The following GGT7 variants were observed in gnomAD, a reference collection of about 807,000 sequenced individuals.
GGT7 encodes the protein glutathione hydrolase 7.
In GGT7, 30 loss-of-function variants were observed where a neutral mutation model predicts 69.2. The ratio of observed to expected loss-of-function variants is 0.43; its 90% CI spans 0.32 to 0.59. The LOEUF is 0.59. GGT7 is among the 20% of genes least tolerant of loss of function. GGT7 has a pLI of 0.05. For synonymous variants in GGT7, 388 were observed against 391.8 expected (o/e 0.99, Z 0.12); for missense variants, 733 against 901.1 (o/e 0.81, Z 2.39).
chr20:34,863,046 A>T lies in GGT7; in HGVS notation c.406-81T>A. ...GCACCTCCACTAGCCCTAGAACTCT[A>T]CGCGGCATGAAGGTCGAAGCCCTGC... is the stretch of plus-strand genomic sequence containing the variant. On this transcript the variant is annotated intron_variant, in intron 2 of 14. Coordinates refer to ENST00000336431, the MANE Select transcript of GGT7 (RefSeq NM_178026.3). This position sits in a 1 kb window ranked among gnomAD's most constrained non-coding sequence, Gnocchi z 4.4. 7.2e-7 allele frequency: 1 copy of T among 1,387,916 alleles called. No individual in the cohort carries two copies. The highest frequency in any genetic ancestry group is 9.9e-7 in the Non-Finnish European group (1 of 1,012,274). 86.0% of individuals were successfully genotyped at this position (1,387,916 alleles called of 1,614,324 possible).
chr20:34,863,981 A>G lies in GGT7; in HGVS notation c.170-433T>C, dbSNP rs749707296. On this transcript the variant is annotated intron_variant, in intron 1 of 14. Coordinates refer to ENST00000336431, the MANE Select transcript of GGT7 (RefSeq NM_178026.3). The surrounding 1 kb of genome is among the most constrained non-coding windows in gnomAD (Gnocchi z 4.4). ...GCCTTCCAACCTCACTTCAGTTATC[A>G]GCTCACTCATTCCTTAAATATGGAG... Among the ~76,000 whole-genome samples, 1 of 152,200 alleles carries G rather than the reference A, an allele frequency of 6.6e-6. No individual in the cohort carries two copies. Among genetic ancestry groups the G allele is most frequent in the Non-Finnish European group, 1.5e-5 (1 of 68,036 alleles).
intron 1 of GGT7, among the ~76,000 whole-genome samples, chr20:34,867,590 C>A (rs1325768725): frequency 6.6e-6 from 1 of 152,096 alleles, no homozygotes; most frequent in Non-Finnish European, 1.5e-5. Context: ...GTGGTGTGCA[C>A]CTGTTGTCCC....
intron 1 of GGT7, among the ~76,000 whole-genome samples, chr20:34,871,556 C>T (rs762348127): frequency 1.7e-4 from 26 of 152,244 alleles, no homozygotes; most frequent in Non-Finnish European, 3.1e-4. Flanking sequence ...CCACCCCATA[C>T]AGAGTGCAGT....
chr20:34,858,626 T>A (rs1050372881), intron 7 of GGT7, among the ~76,000 whole-genome samples: 1 of 152,228 alleles, frequency 6.6e-6, no homozygotes, highest in African/African-American at 2.4e-5. Flanking sequence ...TTCTCACATC[T>A]GTTACTGCCT....
At chr20:34,854,172 G>C (rs954867353) in intron 10 of GGT7, among the ~76,000 whole-genome samples, 2 of 152,178 alleles carry the variant, frequency 1.3e-5, no homozygotes, top group African/African-American at 4.8e-5. Flanking sequence ...CTTGACCTCA[G>C]GTGATCCACC....
At chr20:34,860,744 T>C (rs2079581235) in intron 4 of GGT7, among the ~76,000 whole-genome samples, 1 of 150,644 alleles carries the variant, frequency 6.6e-6, no homozygotes, top group South Asian at 2.2e-4. Flanking sequence ...AAGCGATCCT[T>C]GGTGCATGCT....
chr20:34,849,834 G>T (rs1723629166), intron 14 of GGT7, 127 bp downstream of exon 14: 1 of 588,460 alleles, frequency 1.7e-6, no homozygotes, highest in Non-Finnish European at 3.0e-6. Context: ...TGCTCCAATA[G>T]AAATTTGCCA....
chr20:34,861,531 G>A lies in GGT7; in HGVS notation c.589C>T (p.Arg197Ter), dbSNP rs2079596412. 3 of 1,523,876 alleles carry A rather than the reference G, an allele frequency of 2.0e-6. No individual in the cohort carries two copies. The highest frequency in any genetic ancestry group is 2.7e-6 in the Non-Finnish European group (3 of 1,123,238). 94.4% of individuals were successfully genotyped at this position (1,523,876 alleles called of 1,614,324 possible). A position where few individuals can be genotyped will look rare whatever the true frequency, so the allele number is the denominator to read the frequency against. The change falls in exon 4 of 15, where the codon CGA becomes TGA. Residue 197 changes from arginine (R) to a stop codon, truncating the protein, a stop_gained. Transcript: ENST00000336431. LOFTEE classifies it high-confidence loss of function. The part of the protein sequence containing the change: ...GGVMLVHDIR[R>*]NESHLIDFRE... ...AAATCAATTAGGTGGCTCTCATTTC[G>A]TCGGATGTCATGTACCAGCATCACG...
Position 34,863,276 on chromosome 20 carries a change from C to A in GGT7, c.405+37G>T. The A allele has an allele frequency of 7.0e-7, 1 of 1,430,332 alleles. No individual in the cohort carries two copies. Among genetic ancestry groups the A allele is most frequent in the Non-Finnish European group, 9.8e-7 (1 of 1,024,630 alleles). The allele number at this position is 1,430,332 out of a possible 1,614,324, so 88.6% of individuals were successfully genotyped here. On this transcript the variant is annotated intron_variant, in intron 2 of 14. Coordinates refer to ENST00000336431, the MANE Select transcript of GGT7 (RefSeq NM_178026.3). The surrounding 1 kb of genome is among the most constrained non-coding windows in gnomAD (Gnocchi z 4.4). ...CTCAAACATTACCCCACTCCCCACTCCCCAGTTTCCTCCCCCTCCCCATTT... is the reference window on the plus strand; with the variant it reads ...CTCAAACATTACCCCACTCCCCACTACCCAGTTTCCTCCCCCTCCCCATTT...
chr20:34,846,272 A>C (rs1601209289), intron 14 of GGT7, among the ~76,000 whole-genome samples: 2 of 129,592 alleles, frequency 1.5e-5, no homozygotes, highest in African/African-American at 3.0e-5. Context: ...CCCTGCTTCC[A>C]GCCCTCCCTC....
Position 34,845,471 on chromosome 20 carries a change from T to C in GGT7, c.1846A>G (p.Ile616Val), listed in dbSNP as rs2079289193. ...TGACCCCTGGCTTCCAGGAACTCAATCTCTTCCTCTGTGAACTCACCTGAA... is the reference window on the plus strand; with the variant it reads ...TGACCCCTGGCTTCCAGGAACTCAACCTCTTCCTCTGTGAACTCACCTGAA... ...QVDSEFTEEEIEFLEARGHHV... is the reference protein window; with the variant it reads ...QVDSEFTEEEVEFLEARGHHV... Residue 616 changes from isoleucine (I) to valine (V), a missense_variant, in exon 15 of 15, where the codon ATT becomes GTT. By Grantham distance (29) the Ile-to-Val change is conservative (BLOSUM62 3). Coordinates refer to ENST00000336431, the MANE Select transcript of GGT7 (RefSeq NM_178026.3). 6.2e-7 allele frequency: 1 copy of C among 1,613,972 alleles called. No homozygotes were observed. The highest frequency in any genetic ancestry group is 1.7e-5 in the Admixed American group (1 of 60,000).
intron 4 of GGT7, among the ~76,000 whole-genome samples, chr20:34,860,604 C>T (rs1300880502): frequency 6.7e-6 from 1 of 149,272 alleles, no homozygotes; most frequent in Non-Finnish European, 1.5e-5. Flanking sequence ...TGTAGAAAGA[C>T]ACCTGTCTAC....
chr20:34,851,797 T>C (rs1278361712), intron 12 of GGT7, among the ~76,000 whole-genome samples: 3 of 152,212 alleles, frequency 2.0e-5, no homozygotes, highest in African/African-American at 4.8e-5. Flanking sequence ...TGCCCAACCA[T>C]AGGGCTGAGC....
chr20:34,860,329 A>T lies in GGT7; in HGVS notation c.676-8T>A, dbSNP rs181027490. ...CCCCACCAAGAGCCCAGGCTGGGCAAGGCGGGTAGGCGAGGGAGAGAGGAG... is the reference window on the plus strand; with the variant it reads ...CCCCACCAAGAGCCCAGGCTGGGCATGGCGGGTAGGCGAGGGAGAGAGGAG... On this transcript the variant is annotated splice_region_variant and splice_polypyrimidine_tract_variant and intron_variant, in intron 4 of 14. Transcript: ENST00000336431. 2.0e-5 allele frequency: 33 copies of T among 1,611,936 alleles called. No individual in the cohort carries two copies. The East Asian group carries it at 7.1e-4, about 35-fold the overall frequency.
chr20:34,851,019 G>A (rs959579505), intron 13 of GGT7: 16 of 673,774 alleles, frequency 2.4e-5, no homozygotes, highest in Admixed American at 4.5e-5. Flanking sequence ...CCCTGCAACC[G>A]GGAAAGACAG....
At chr20:34,854,217 G>C (rs527960008) in intron 10 of GGT7, among the ~76,000 whole-genome samples, 16 of 152,206 alleles carry the variant, frequency 1.1e-4, no homozygotes, top group African/African-American at 3.6e-4. Flanking sequence ...GATTACAGGC[G>C]TGAGCCACCG....
chr20:34,847,413 C>T (rs777527180), intron 14 of GGT7, among the ~76,000 whole-genome samples: 2 of 152,210 alleles, frequency 1.3e-5, no homozygotes, highest in Non-Finnish European at 2.9e-5. Context: ...CTGTGAGAAG[C>T]CCTGTAACTC....
chr20:34,863,854 G>T lies in GGT7; in HGVS notation c.170-306C>A, dbSNP rs921192045. 7 of 565,426 alleles carry T rather than the reference G, an allele frequency of 1.2e-5. No individual in the cohort carries two copies. The highest frequency in any genetic ancestry group is 2.4e-5 in the Non-Finnish European group (7 of 297,866). 35.0% of individuals were successfully genotyped at this position (565,426 alleles called of 1,614,324 possible). On this transcript the variant is annotated intron_variant, in intron 1 of 14. Transcript: ENST00000336431. The surrounding 1 kb of genome is among the most constrained non-coding windows in gnomAD (Gnocchi z 4.4). The stretch of plus-strand genomic sequence containing the variant: ...GGGCTGAGAACACTTCCTGGGGGGT[G>T]GGGTGGGGGTTCCAGCCCTCAGTGG...
At chr20:34,853,455 G>A (rs2079434380) in intron 10 of GGT7, among the ~76,000 whole-genome samples, 1 of 151,398 alleles carries the variant, frequency 6.6e-6, no homozygotes. Context: ...CAACTGAGGC[G>A]GGAGGCTGAA....
Sources: allele counts gnomAD v4.1 joint callset (sites outside exome capture counted in the v4.1 genomes callset), GRCh38; gene constraint gnomAD v4.1.1; non-coding constraint Gnocchi (gnomAD v3.1); transcripts MANE v1.5; gene names NCBI Gene and HGNC (gene_info 2026-07-23, HGNC 2026-07-21).